The following PCDHGA6 variants were observed in gnomAD, a reference collection of about 807,000 sequenced individuals.
PCDHGA6 encodes the protein protocadherin gamma subfamily A, 6.
PCDHGA6 carries 41 observed loss-of-function variants against 60.6 expected under a neutral mutation model. The ratio of observed to expected loss-of-function variants is 0.68; its 90% confidence interval spans 0.53 to 0.88. PCDHGA6 has a LOEUF of 0.88. Among genes scored for constraint, PCDHGA6 ranks in the 40% least tolerant of loss-of-function variants. The pLI, the probability that PCDHGA6 is intolerant of heterozygous loss-of-function variation, is 0.00. For missense variants in PCDHGA6, 1,312 were observed against 1,203.0 expected, an observed-to-expected ratio of 1.09 and a Z score of -1.34; for synonymous variants, 594 against 524.4, an observed-to-expected ratio of 1.13 and a Z score of -1.81.
chr5:141,390,665 TA>T, intron 1 of PCDHGA6: 1 of 192,900 alleles, frequency 5.2e-6, no homozygotes, highest in Non-Finnish European at 1.1e-5. Flanking sequence ...ACCATAAATA[TA>T]AAAATAATAA....
chr5:141,492,037 C>A (rs556842734), intron 1 of PCDHGA6: 94 of 538,798 alleles, frequency 1.7e-4, no homozygotes, highest in Non-Finnish European at 2.5e-4. Flanking sequence ...AGGAGGCAGT[C>A]ACAGATCCAC....
intron 1 of PCDHGA6, among the ~76,000 whole-genome samples, chr5:141,471,995 TG>T: frequency 6.6e-6 from 1 of 152,322 alleles, no homozygotes; most frequent in East Asian, 1.9e-4. Context: ...TAAAAATCCC[TG>T]CATCGTATAG....
In PCDHGA6 at chr5:141,491,556, C is replaced by T. The variant is rs2099720720; in HGVS notation, c.2425-3251C>T. The T allele has an allele frequency of 1.2e-6, 2 of 1,613,848 alleles. No homozygotes were observed. The highest frequency in any genetic ancestry group is 1.7e-5 in the Admixed American group (1 of 60,000). ...TGCGGCCCACAGACTCGCAGAGCCA[C>T]TGCTACAGGACGTGCTTTTCACCGG... On this transcript the variant is annotated intron_variant, in intron 1 of 3. Transcript: ENST00000517434. The surrounding 1 kb of genome is among the most constrained non-coding windows in gnomAD (Gnocchi z 6.9).
chr5:141,422,828 T>C (rs1273420440), intron 1 of PCDHGA6: 2 of 1,614,232 alleles, frequency 1.2e-6, no homozygotes, highest in East Asian at 4.5e-5. Context: ...CTGAGAGTGA[T>C]AGCACGTGAC....
Position 141,476,279 on chromosome 5 carries a change from G to T in PCDHGA6, c.2425-18528G>T. The T allele has an allele frequency of 6.2e-7, 1 of 1,614,148 alleles. No individual in the cohort carries two copies. Among genetic ancestry groups the T allele is most frequent in the Non-Finnish European group, 8.5e-7 (1 of 1,180,024 alleles). On this transcript the variant is annotated intron_variant, in intron 1 of 3. Coordinates refer to ENST00000517434, the MANE Select transcript of PCDHGA6 (RefSeq NM_018919.3). This position sits in a 1 kb window ranked among gnomAD's most constrained non-coding sequence, Gnocchi z 7.6. ...TGTGGGCAACGTGGTCGCGAACCTT[G>T]GTTTGGATCTCGGTAGCCTCTCAGC...
intron 1 of PCDHGA6, chr5:141,408,948 T>C (rs768951087): frequency 6.2e-7 from 1 of 1,613,478 alleles, no homozygotes; most frequent in Non-Finnish European, 8.5e-7. Context: ...GAATATAGAA[T>C]TAGTCTTAGT....
Position 141,454,796 on chromosome 5 carries a change from A to ATTT in PCDHGA6, c.2425-39984_2425-39982dup, listed in dbSNP as rs61612330. 3.3e-3 allele frequency among the ~76,000 whole-genome samples: 253 copies of ATTT among 77,450 alleles called. 31 individuals carry two copies. The highest frequency in any genetic ancestry group is 0.02 in the South Asian group (39 of 1,960). The allele number at this position is 77,450 out of a possible 152,430, so 50.8% of individuals were successfully genotyped here. ...AAGGAAATAATCCTCCATGGTTCTA[A>ATTT]TTTTTTTTTTTTTTTTTTTTTTTTT... On this transcript the variant is annotated intron_variant, in intron 1 of 3. Coordinates refer to ENST00000517434, the MANE Select transcript of PCDHGA6 (RefSeq NM_018919.3).
At chr5:141,400,189 C>G (rs376855933) in intron 1 of PCDHGA6, 2 of 1,614,056 alleles carry the variant, frequency 1.2e-6, no homozygotes, top group Non-Finnish European at 1.7e-6. Flanking sequence ...GCAGTTTTAC[C>G]TAGTGGTGGC....
chr5:141,461,480 G>A (rs1478939044), intron 1 of PCDHGA6, among the ~76,000 whole-genome samples: 1 of 151,970 alleles, frequency 6.6e-6, no homozygotes, highest in Non-Finnish European at 1.5e-5. Context: ...ACTTTTTAAT[G>A]GGATTGTGTT....
intron 1 of PCDHGA6, chr5:141,422,019 G>C: frequency 6.2e-7 from 1 of 1,610,862 alleles, no homozygotes; most frequent in Non-Finnish European, 8.5e-7. Context: ...GGGTGCTGAT[G>C]GTTAATGCAA....
chr5:141,390,183 T>G, intron 1 of PCDHGA6: 2 of 1,614,036 alleles, frequency 1.2e-6, no homozygotes, highest in Non-Finnish European at 1.7e-6. Context: ...TTTCCTAAAA[T>G]GTAGTGAGCA....
intron 1 of PCDHGA6, chr5:141,414,596 C>T: frequency 6.2e-7 from 1 of 1,613,962 alleles, no homozygotes; most frequent in Non-Finnish European, 8.5e-7. Context: ...AGGGGTGCCT[C>T]CATCTTCTCA....
At chr5:141,399,470 TC>T in intron 1 of PCDHGA6, 1 of 1,614,018 alleles carries the variant, frequency 6.2e-7, no homozygotes, top group South Asian at 1.1e-5. Context: ...GCTCCGGTTT[TC>T]CACCAGGCGT....
intron 1 of PCDHGA6, chr5:141,410,343 G>C: frequency 6.2e-7 from 1 of 1,613,964 alleles, no homozygotes; most frequent in Non-Finnish European, 8.5e-7. Flanking sequence ...ATTGCCTTGC[G>C]CCTGCGACGC....
At position 141,489,378 on chromosome 5, in the gene PCDHGA6, G is replaced by A. The variant is rs1562129701; in HGVS notation, c.2425-5429G>A. ...AGTCTGAGCCGGGGACGCTGGTGGGGAATGTTGCTCAGGATCTGGGCTTAA... is the reference window on the plus strand; with the variant it reads ...AGTCTGAGCCGGGGACGCTGGTGGGAAATGTTGCTCAGGATCTGGGCTTAA... On this transcript the variant is annotated intron_variant, in intron 1 of 3. Coordinates refer to ENST00000517434, the MANE Select transcript of PCDHGA6 (RefSeq NM_018919.3). The surrounding 1 kb of genome is among the most constrained non-coding windows in gnomAD (Gnocchi z 4.5). 1.2e-6 allele frequency: 2 copies of A among 1,613,908 alleles called. No homozygotes were observed. The highest frequency in any genetic ancestry group is 3.3e-5 in the Admixed American group (2 of 60,026).
At chr5:141,413,244 C>T in intron 1 of PCDHGA6, 3 of 1,613,984 alleles carry the variant, frequency 1.9e-6, no homozygotes, top group Non-Finnish European at 2.5e-6. Flanking sequence ...TCTGCCTTTT[C>T]TTCGGGATTC....
rs772195653 is a variant in PCDHGA6 at position 141,477,704 on chromosome 5, C to A, written c.2425-17103C>A. On this transcript the variant is annotated intron_variant, in intron 1 of 3. Transcript: ENST00000517434. The surrounding 1 kb of genome is among the most constrained non-coding windows in gnomAD (Gnocchi z 4.9). ...CTTAGTGCCCCTAGACTATGAGGAT[C>A]GGCGGGAATTTGAATTAACAGCTCA... The A allele has an allele frequency of 5.0e-6, 8 of 1,613,850 alleles. No individual in the cohort carries two copies. Among genetic ancestry groups the A allele is most frequent in the Non-Finnish European group, 5.9e-6 (7 of 1,180,046 alleles).
chr5:141,408,345 G>A (rs370026579), intron 1 of PCDHGA6: 3 of 1,613,812 alleles, frequency 1.9e-6, no homozygotes, highest in Non-Finnish European at 2.5e-6. Context: ...TCGGTGGTGG[G>A]GAACCTCGCT....
In PCDHGA6 at chr5:141,383,791, A is replaced by G. The variant is rs763044850; in HGVS notation, c.2424+7284A>G. 4 of 1,613,998 alleles carry G rather than the reference A, an allele frequency of 2.5e-6. No homozygotes were observed. In the South Asian group the frequency reaches 4.4e-5, roughly 18 times the overall value. On this transcript the variant is annotated intron_variant, in intron 1 of 3. Transcript: ENST00000517434. ...AAAGATGTTTCATCTGAACTCGCTT[A>G]CAGGAGAAATATCAACTTTAGAAGG...
Sources: allele counts gnomAD v4.1 joint callset (sites outside exome capture counted in the v4.1 genomes callset), GRCh38; gene constraint gnomAD v4.1.1; non-coding constraint Gnocchi (gnomAD v3.1); transcripts MANE v1.5; gene names NCBI Gene and HGNC (gene_info 2026-07-23, HGNC 2026-07-21).